The following ENTREP1 variants were observed in gnomAD, a reference collection of about 807,000 sequenced individuals.
ENTREP1 encodes the protein endosomal transmembrane epsin interactor 1, also known as Friedreich ataxia region gene X123.
chr9:69,385,788 A>T, the ENTREP1 span: 13,695 of 906,728 alleles, frequency 0.015, 1,206 homozygotes, highest in South Asian at 0.072. Context: ...TTTTTTTTTT[A>T]AATCAGATGG....
chr9:69,341,491 T>C, the ENTREP1 span, among the ~76,000 whole-genome samples: 5 of 152,322 alleles, frequency 3.3e-5, no homozygotes, highest in Admixed American at 6.5e-5. Flanking sequence ...TTAATTTTTT[T>C]TTTTTCCTCT....
At chr9:69,332,464 A>G in the ENTREP1 span, among the ~76,000 whole-genome samples, 2 of 152,182 alleles carry the variant, frequency 1.3e-5, no homozygotes, top group Non-Finnish European at 2.9e-5. Context: ...ATATGCCTTG[A>G]CTGACTTGGC....
At chr9:69,336,793 C>T in the ENTREP1 span, among the ~76,000 whole-genome samples, 2 of 151,810 alleles carry the variant, frequency 1.3e-5, no homozygotes, top group Non-Finnish European at 2.9e-5. Context: ...CTCACTGTAA[C>T]CTTTGCCTCC....
At chr9:69,335,279 T>C in the ENTREP1 span, among the ~76,000 whole-genome samples, 20 of 152,152 alleles carry the variant, frequency 1.3e-4, no homozygotes, top group Non-Finnish European at 2.5e-4. Context: ...ATCCCTCAAT[T>C]ATTACAATAG....
the ENTREP1 span, among the ~76,000 whole-genome samples, chr9:69,349,184 CAAAAAAAAAAAAAAAAA>C: frequency 1.2e-5 from 1 of 85,290 alleles, no homozygotes; most frequent in Non-Finnish European, 2.3e-5. Flanking sequence ...AACTCCATCT[CAAAAAAAAAAAAAAAAA>C]AAAAAAAAAA....
chr9:69,324,926 C>A, the ENTREP1 span: 1 of 985,028 alleles, frequency 1.0e-6, no homozygotes, highest in Non-Finnish European at 1.2e-6. Context: ...GTGCCTCCCA[C>A]CTCGAGGGAC....
At chr9:69,372,522 C>A in the ENTREP1 span, among the ~76,000 whole-genome samples, 22 of 152,262 alleles carry the variant, frequency 1.4e-4, no homozygotes, top group African/African-American at 5.3e-4. Context: ...GAATTCCCTT[C>A]CTTTTTAAGA....
At chr9:69,374,667 T>A in the ENTREP1 span, among the ~76,000 whole-genome samples, 1 of 152,096 alleles carries the variant, frequency 6.6e-6, no homozygotes, top group Non-Finnish European at 1.5e-5. Flanking sequence ...TCCAGAAAAT[T>A]CAAATGTACA....
chr9:69,377,758 G>C, the ENTREP1 span: 2 of 1,604,540 alleles, frequency 1.2e-6, no homozygotes, highest in South Asian at 2.2e-5. Context: ...TCGTTCCTGA[G>C]TTCCCCTGCA....
the ENTREP1 span, among the ~76,000 whole-genome samples, chr9:69,332,701 T>C: frequency 1.3e-5 from 2 of 152,364 alleles, no homozygotes; most frequent in East Asian, 3.9e-4. Context: ...CTTAGTTCTT[T>C]GGTTTCAGAG....
At chr9:69,385,594 G>A in the ENTREP1 span, among the ~76,000 whole-genome samples, 16 of 152,082 alleles carry the variant, frequency 1.1e-4, no homozygotes, top group Non-Finnish European at 2.9e-5. Context: ...GTGGAGGGGT[G>A]GTTTGGAAAG....
At chr9:69,340,598 CATGTGTGTGTGTGCAT>C in the ENTREP1 span, among the ~76,000 whole-genome samples, 1 of 142,294 alleles carries the variant, frequency 7.0e-6, no homozygotes, top group East Asian at 2.2e-4. Context: ...TGTGTGCATG[CATGTGTGTGTGTGCAT>C]GTGTGTGTGC....
the ENTREP1 span, among the ~76,000 whole-genome samples, chr9:69,326,713 A>G: frequency 2.0e-5 from 3 of 151,740 alleles, no homozygotes; most frequent in Non-Finnish European, 2.9e-5. Flanking sequence ...CTCTCTTTAT[A>G]TCTTTTTTTT....
the ENTREP1 span, chr9:69,380,250 A>T: frequency 6.6e-6 from 1 of 152,368 alleles, no homozygotes; most frequent in East Asian, 1.9e-4. Flanking sequence ...ATTTATTCAC[A>T]TTTAGATACA....
chr9:69,380,372 G>C, the ENTREP1 span: 3 of 152,178 alleles, frequency 2.0e-5, no homozygotes, highest in Non-Finnish European at 4.4e-5. Context: ...TTTCTTTTAA[G>C]CAGGCAGGCA....
the ENTREP1 span, chr9:69,383,102 C>A: frequency 2.0e-6 from 2 of 985,072 alleles, no homozygotes; most frequent in East Asian, 2.3e-4. Flanking sequence ...AGGACAAAAA[C>A]AAGAGTCATG....
At chr9:69,343,507 C>T in the ENTREP1 span, among the ~76,000 whole-genome samples, 4 of 152,076 alleles carry the variant, frequency 2.6e-5, no homozygotes, top group South Asian at 2.1e-4. Flanking sequence ...GTGGCACCGT[C>T]GCAGCTCACT....
chr9:69,360,364 C>T, the ENTREP1 span, among the ~76,000 whole-genome samples: 7 of 152,156 alleles, frequency 4.6e-5, no homozygotes. Context: ...CGCCCCTCTG[C>T]CCCAACACGT....
the ENTREP1 span, among the ~76,000 whole-genome samples, chr9:69,333,621 T>C: frequency 6.6e-6 from 1 of 152,148 alleles, no homozygotes; most frequent in Non-Finnish European, 1.5e-5. Flanking sequence ...ATTGTTTTAA[T>C]AGAAAAAATA....
Sources: allele counts gnomAD v4.1 joint callset (sites outside exome capture counted in the v4.1 genomes callset), GRCh38; gene constraint gnomAD v4.1.1; transcripts MANE v1.5; gene names NCBI Gene and HGNC (gene_info 2026-07-23, HGNC 2026-07-21).